BLNK: variants seen among roughly 807,000 people sequenced by gnomAD.
BLNK encodes the protein B-cell linker protein.
In BLNK, 29 loss-of-function variants were observed where a neutral mutation model predicts 73.5. The observed-to-expected ratio is 0.39, with a 90% CI of 0.29 to 0.54. The LOEUF (loss-of-function observed/expected upper bound fraction) is 0.54, where lower values mean the gene tolerates loss of function less well. Ranked by LOEUF, BLNK falls within the 20% of genes least tolerant of loss-of-function variation. BLNK has a pLI of 0.61. For missense variants in BLNK, 460 were observed against 562.8 expected (o/e 0.82, Z 1.85); for synonymous variants, 176 against 200.8 (o/e 0.88, Z 1.04).
chr10:96,246,421 A>G (rs984000997), intron 2 of BLNK, among the ~76,000 whole-genome samples: 3 of 152,218 alleles, frequency 2.0e-5, no homozygotes, highest in South Asian at 4.1e-4. Flanking sequence ...GTATGCTGGC[A>G]CGTGCCTGTA....
intron 8 of BLNK, among the ~76,000 whole-genome samples, chr10:96,213,871 T>G (rs2084003351): frequency 6.6e-6 from 1 of 152,166 alleles, no homozygotes; most frequent in African/African-American, 2.4e-5. Context: ...GACCTTTGTC[T>G]CTCCAGAGGG....
chr10:96,206,897 T>C, intron 11 of BLNK, 114 bp downstream of exon 11: 1 of 1,146,374 alleles, frequency 8.7e-7, no homozygotes. Flanking sequence ...GTTTAGAAAA[T>C]TGAGTTTCAT....
At chr10:96,233,847 T>A (rs1842599692) in intron 3 of BLNK, among the ~76,000 whole-genome samples, 5 of 152,256 alleles carry the variant, frequency 3.3e-5, no homozygotes, top group Admixed American at 2.6e-4. Context: ...ATTTTGCATT[T>A]GTAATTAATG....
At chr10:96,216,345 AG>A in intron 7 of BLNK, 1 of 398,434 alleles carries the variant, frequency 2.5e-6, no homozygotes, top group Middle Eastern at 7.7e-4. Flanking sequence ...ACATTGTATT[AG>A]GTTTTATGAG....
Position 96,190,327 on chromosome 10 carries a change from G to A in BLNK, c.*1646C>T. 1 of 574,024 alleles carries A rather than the reference G, an allele frequency of 1.7e-6. No individual in the cohort carries two copies. Among genetic ancestry groups the A allele is most frequent in the East Asian group, 3.3e-5 (1 of 30,252 alleles). The allele number at this position is 574,024 out of a possible 1,614,324, so 35.6% of individuals were successfully genotyped here. On this transcript the variant is annotated 3_prime_UTR_variant, in exon 17 of 17. Transcript: ENST00000224337. ...GAATCACGCCAGTAGTATTGTTCCTGTGTGTCTCTTCATATAGTCTTCTCT... is the reference window on the plus strand; with the variant it reads ...GAATCACGCCAGTAGTATTGTTCCTATGTGTCTCTTCATATAGTCTTCTCT...
At chr10:96,252,804 C>T (rs1211137501) in intron 1 of BLNK, among the ~76,000 whole-genome samples, 4 of 152,068 alleles carry the variant, frequency 2.6e-5, no homozygotes, top group African/African-American at 4.8e-5. Flanking sequence ...GTGCCATGGT[C>T]GGGACCATTT....
Position 96,197,075 on chromosome 10 carries a change from T to A in BLNK, c.1096-12A>T. 1 of 1,605,360 alleles carries A rather than the reference T, an allele frequency of 6.2e-7. No individual in the cohort carries two copies. On this transcript the variant is annotated splice_polypyrimidine_tract_variant and intron_variant, in intron 15 of 16. Transcript: ENST00000224337. ...AGAAATGATCCATCCTGTTTAATTT[T>A]TTTTAAAAAACATAATTATGGTTAG...
chr10:96,259,129 A>G (rs1340618761), intron 1 of BLNK, among the ~76,000 whole-genome samples: 3 of 152,240 alleles, frequency 2.0e-5, no homozygotes, highest in Admixed American at 6.5e-5. Flanking sequence ...TCACCAGGGC[A>G]GGCGACTGGC....
chr10:96,195,807 A>G (rs2083451250), intron 16 of BLNK, among the ~76,000 whole-genome samples: 2 of 152,210 alleles, frequency 1.3e-5, no homozygotes, highest in African/African-American at 4.8e-5. Context: ...GTGGTTTTTT[A>G]ACCACAGTTG....
intron 2 of BLNK, 68 bp downstream of exon 2, chr10:96,246,916 G>T: frequency 8.3e-7 from 1 of 1,206,100 alleles, no homozygotes; most frequent in Non-Finnish European, 1.2e-6. Context: ...AGAGAAATTT[G>T]TTTTCTTCCA....
In BLNK at chr10:96,239,776, C is replaced by T. The variant is rs185794236; in HGVS notation, c.163+2959G>A. 2.0e-5 allele frequency among the ~76,000 whole-genome samples: 3 copies of T among 152,202 alleles called. No homozygotes were observed. The East Asian group carries it at 5.8e-4, about 29-fold the overall frequency. On this transcript the variant is annotated intron_variant, in intron 3 of 16. Transcript: ENST00000224337. ...AAGGATGAATAATAGATGGATGCTA[C>T]CTCCCTTTTCCCCACGCAGAAATAG...
intron 13 of BLNK, chr10:96,203,526 G>A (rs1554896716): frequency 6.6e-6 from 1 of 151,812 alleles, no homozygotes; most frequent in African/African-American, 2.4e-5. Flanking sequence ...TTAAGGTTTG[G>A]GCAGTTACGT....
chr10:96,268,134 T>C (rs1564857335), intron 1 of BLNK, among the ~76,000 whole-genome samples: 1 of 152,178 alleles, frequency 6.6e-6, no homozygotes. Context: ...AAAGACCTTT[T>C]CTAGTTGTAA....
At chr10:96,265,778 C>T (rs1843971292) in intron 1 of BLNK, among the ~76,000 whole-genome samples, 1 of 152,202 alleles carries the variant, frequency 6.6e-6, no homozygotes, top group Admixed American at 6.5e-5. Flanking sequence ...GTCACTTAGT[C>T]TGAATCAGGG....
chr10:96,232,771 G>A (rs1382336534), intron 3 of BLNK, among the ~76,000 whole-genome samples: 1 of 151,858 alleles, frequency 6.6e-6, no homozygotes, highest in Admixed American at 6.6e-5. Context: ...TTCCCAATAT[G>A]ATTACCTGGC....
chr10:96,210,385 A>C (rs782690234), intron 8 of BLNK: 1 of 179,036 alleles, frequency 5.6e-6, no homozygotes, highest in Non-Finnish European at 1.2e-5. Context: ...TTATAAGCAC[A>C]CTTAAATACG....
chr10:96,210,863 G>GTT (rs377260098), intron 8 of BLNK, among the ~76,000 whole-genome samples: 1,613 of 121,644 alleles, frequency 0.013, 20 homozygotes, highest in African/African-American at 0.03. Flanking sequence ...CCACAATTCC[G>GTT]TTTTTTTTTT....
At chr10:96,244,440 G>T (rs1223314999) in intron 2 of BLNK, among the ~76,000 whole-genome samples, 1 of 152,174 alleles carries the variant, frequency 6.6e-6, no homozygotes, top group Non-Finnish European at 1.5e-5. Context: ...TCAACACTAG[G>T]AATAAAAGGC....
rs17111472 is a variant in BLNK, at chr10:96,227,840, A to C, written c.205-274T>G. 3.6e-3 allele frequency among the ~76,000 whole-genome samples: 553 copies of C among 152,300 alleles called. 2 individuals are homozygous for C. The highest frequency in any genetic ancestry group is 0.012 in the African/African-American group (519 of 41,564). ...AGCTGACACTCTGTAGATCCACAAC[A>C]AATAACAAGAGGAGATAATAAAACA... is the stretch of plus-strand genomic sequence containing the variant. On this transcript the variant is annotated intron_variant, in intron 4 of 16. Transcript: ENST00000224337.
Sources: gnomAD v4.1 joint callset for allele counts (sites outside exome capture counted in the v4.1 genomes callset) on GRCh38, gnomAD v4.1.1 for gene constraint, MANE v1.5 for transcripts, NCBI Gene and HGNC (gene_info 2026-07-23, HGNC 2026-07-21) for gene names.